The following CLOCK variants were observed in gnomAD, a reference collection of about 807,000 sequenced individuals.
CLOCK encodes circadian locomoter output cycles protein kaput.
In CLOCK, 43 loss-of-function variants were observed where a neutral mutation model predicts 118.4. That is an observed-to-expected ratio of 0.36 (90% CI 0.28 to 0.47). CLOCK has a LOEUF of 0.47. CLOCK is among the 20% of genes least tolerant of loss of function. The pLI is 1.00. For missense variants in CLOCK, 846 were observed against 999.9 expected (o/e 0.85, Z 2.08); for synonymous variants, 326 against 339.2 (o/e 0.96, Z 0.43).
At chr4:55,468,974 T>C (rs1168278940) in intron 8 of CLOCK, among the ~76,000 whole-genome samples, 1 of 152,186 alleles carries the variant, frequency 6.6e-6, no homozygotes, top group Non-Finnish European at 1.5e-5. Flanking sequence ...GTGCTTGTGG[T>C]GATGCTTGTG....
intron 3 of CLOCK, 119 bp downstream of exon 3, chr4:55,489,255 C>T (rs1161624136): frequency 6.6e-6 from 1 of 152,184 alleles, no homozygotes; most frequent in Non-Finnish European, 1.5e-5. Context: ...AATTAACACA[C>T]AAAAATTTTT....
chr4:55,488,206 A>T (rs1220238478), intron 3 of CLOCK, among the ~76,000 whole-genome samples: 1 of 152,208 alleles, frequency 6.6e-6, no homozygotes, highest in Non-Finnish European at 1.5e-5. Context: ...CAGTGACAGA[A>T]TATTCTCCTG....
intron 1 of CLOCK, among the ~76,000 whole-genome samples, chr4:55,544,538 A>C (rs1055455735): frequency 6.6e-6 from 1 of 152,138 alleles, no homozygotes; most frequent in African/African-American, 2.4e-5. Flanking sequence ...GCAATCTTAA[A>C]AATTAAAGTG....
intron 13 of CLOCK, among the ~76,000 whole-genome samples, chr4:55,455,666 AG>A (rs1724869643): frequency 6.6e-6 from 1 of 152,206 alleles, no homozygotes. Context: ...CTTCAGAACA[AG>A]GTGTATTAGA....
chr4:55,489,154 G>C (rs1028336691), intron 3 of CLOCK, among the ~76,000 whole-genome samples: 1 of 152,194 alleles, frequency 6.6e-6, no homozygotes, highest in African/African-American at 2.4e-5. Flanking sequence ...CGGTTCTCAT[G>C]ACAGCAGGGA....
intron 1 of CLOCK, among the ~76,000 whole-genome samples, chr4:55,519,965 G>A (rs1729757338): frequency 6.6e-6 from 1 of 151,494 alleles, no homozygotes; most frequent in African/African-American, 2.4e-5. Context: ...CTGAAGTACA[G>A]GGATCCACTC....
chr4:55,510,756 C>G (rs955841005), intron 1 of CLOCK, among the ~76,000 whole-genome samples: 3 of 150,108 alleles, frequency 2.0e-5, no homozygotes, highest in African/African-American at 7.4e-5. Context: ...CCAAAGGGAA[C>G]AGTGTGTTCA....
rs1047031603 is a variant in CLOCK, at chr4:55,533,095, A to AT, written c.-290+13686dup. Among the ~76,000 whole-genome samples the AT allele has an allele frequency of 6.2e-4, 94 of 151,976 alleles. 1 individual carries two copies. The highest frequency in any genetic ancestry group is 5.0e-3 in the Admixed American group (77 of 15,254). The stretch of plus-strand genomic sequence containing the variant: ...TAATCCCTGTCAAATTCTCAATGAC[A>AT]TTTTTTTTGCAGAAATAGAAACAAA... On this transcript the variant is annotated intron_variant, in intron 1 of 22. Transcript: ENST00000513440.
intron 22 of CLOCK, among the ~76,000 whole-genome samples, chr4:55,437,112 T>C (rs905040761): frequency 4.3e-4 from 65 of 152,312 alleles, no homozygotes; most frequent in African/African-American, 1.5e-3. Flanking sequence ...GTCTGCAGCA[T>C]AGGCTTAAGG....
chr4:55,494,736 T>C (rs1280590168), intron 2 of CLOCK, among the ~76,000 whole-genome samples: 1 of 152,002 alleles, frequency 6.6e-6, no homozygotes, highest in Non-Finnish European at 1.5e-5. Flanking sequence ...TTTAAAAAGA[T>C]GCAAAGTTGC....
At position 55,482,801 on chromosome 4, in the gene CLOCK, C is replaced by T. The variant is rs945430526; in HGVS notation, c.-16G>A. 2.5e-6 allele frequency: 4 copies of T among 1,600,556 alleles called. No individual in the cohort carries two copies. The highest frequency in any genetic ancestry group is 3.4e-5 in the Admixed American group (2 of 59,546). On this transcript the variant is annotated 5_prime_UTR_variant, in exon 4 of 23. Coordinates refer to ENST00000513440, the MANE Select transcript of CLOCK (RefSeq NM_004898.4). ...TAAACAACATAACATACTACGTTTT[C>T]GTCTTGTAGTAGACATTTGTACTTC...
chr4:55,486,579 T>C (rs74551617), intron 3 of CLOCK: 1 of 152,298 alleles, frequency 6.6e-6, no homozygotes, highest in East Asian at 1.9e-4. Flanking sequence ...AGGTAAATTT[T>C]TTAAGGCTTC....
Position 55,443,844 on chromosome 4 carries a change from G to T in CLOCK, c.1745C>A (p.Ser582Tyr). ...CTGGATATTAGATGAATTTCCAGAA[G>T]AAAGTTGAACGGAACCAAAATTCAA... ...PGLNFGSVQL[S>Y]SGNSSNIQQL... The change falls in exon 20 of 23, where the codon TCT becomes TAT. Residue 582 changes from serine to tyrosine, a missense_variant. Ser to Tyr is a moderately radical substitution (Grantham distance 144). This residue lies in a region of CLOCK where 520 missense variants were observed against 558.0 expected (regional missense o/e 0.93). Transcript: ENST00000513440. 1 of 1,613,756 alleles carries T rather than the reference G, an allele frequency of 6.2e-7. No homozygotes were observed. The highest frequency in any genetic ancestry group is 1.1e-5 in the South Asian group (1 of 91,064).
intron 9 of CLOCK, among the ~76,000 whole-genome samples, chr4:55,459,679 T>G (rs1725185509): frequency 6.6e-6 from 1 of 152,136 alleles, no homozygotes; most frequent in Non-Finnish European, 1.5e-5. Flanking sequence ...CTTCTTTTTT[T>G]TGAGACAGGG....
At chr4:55,449,262 G>GTT (rs1330140876) in intron 17 of CLOCK, 134 bp downstream of exon 17, 1 of 764,546 alleles carries the variant, frequency 1.3e-6, no homozygotes, top group Non-Finnish European at 2.2e-6. Flanking sequence ...GAAGTCTTAA[G>GTT]TAAGTGTCAC....
At chr4:55,479,781 T>C in intron 4 of CLOCK, 82 bp from the exon 5 acceptor site, 1 of 1,059,078 alleles carries the variant, frequency 9.4e-7, no homozygotes, top group Admixed American at 1.7e-5. Context: ...TCAACTCAGT[T>C]ATGCCCTATG....
chr4:55,438,606 GTAAATACT>G, intron 21 of CLOCK, 69 bp from the exon 22 acceptor site: 1 of 1,607,964 alleles, frequency 6.2e-7, no homozygotes. Flanking sequence ...ACGCAGTGGA[GTAAATACT>G]TACCTAAGAT....
intron 15 of CLOCK, among the ~76,000 whole-genome samples, chr4:55,450,813 T>G (rs11133382): frequency 0.58 from 87,682 of 151,162 alleles, 27,171 homozygotes; most frequent in South Asian, 0.81. Flanking sequence ...AGACCTAAAT[T>G]TTAACAGCTA....
chr4:55,471,890 T>A (rs996908738), intron 7 of CLOCK, among the ~76,000 whole-genome samples: 1 of 151,928 alleles, frequency 6.6e-6, no homozygotes, highest in Non-Finnish European at 1.5e-5. Flanking sequence ...CTGAGCAACA[T>A]GGCGAAACCT....
Sources: gnomAD v4.1 joint callset for allele counts (sites outside exome capture counted in the v4.1 genomes callset) on GRCh38, gnomAD v4.1.1 for gene constraint, gnomAD v4.1.1 regional missense constraint, MANE v1.5 for transcripts, NCBI Gene and HGNC (gene_info 2026-07-23, HGNC 2026-07-21) for gene names.